NOL8: variants seen among roughly 807,000 people sequenced by gnomAD.
The protein encoded by NOL8 is nucleolar protein Nop132.
A neutral mutation model predicts 116.1 loss-of-function variants in NOL8; 93 were observed. That is an observed-to-expected ratio of 0.80 (90% confidence interval 0.68 to 0.95). The LOEUF (loss-of-function observed/expected upper bound fraction) is 0.95. NOL8 is among the 40% of genes least tolerant of loss of function. The probability of loss-of-function intolerance (pLI) is 0.00; values close to 1 mark genes in which losing one functional copy is unlikely to be tolerated. For synonymous variants in NOL8, 419 were observed against 469.0 expected (o/e 0.89, Z 1.38); for missense variants, 1,291 against 1,382.8 (o/e 0.93, Z 1.05).
intron 12 of NOL8, among the ~76,000 whole-genome samples, chr9:92,304,563 C>T (rs181099290): frequency 3.9e-4 from 60 of 152,198 alleles, no homozygotes; most frequent in African/African-American, 1.2e-3. Context: ...CCTATTTGTT[C>T]AATACGGATT....
chr9:92,307,431 A>G (rs1363210649), intron 10 of NOL8, among the ~76,000 whole-genome samples: 2 of 152,218 alleles, frequency 1.3e-5, no homozygotes, highest in Non-Finnish European at 2.9e-5. Flanking sequence ...AAAAATGGTA[A>G]TGGTATATCT....
chr9:92,311,932 A>G (rs1401871644), intron 7 of NOL8, among the ~76,000 whole-genome samples: 1 of 152,254 alleles, frequency 6.6e-6, no homozygotes, highest in East Asian at 1.9e-4. Flanking sequence ...CATAATAGCA[A>G]AGACACGAAA....
intron 6 of NOL8, among the ~76,000 whole-genome samples, chr9:92,317,263 A>G (rs1839498233): frequency 6.6e-6 from 1 of 152,198 alleles, no homozygotes; most frequent in Admixed American, 6.5e-5. Context: ...CCCCACCTTA[A>G]GCGATTACTC....
At chr9:92,305,256 T>C (rs977491888) in intron 12 of NOL8, among the ~76,000 whole-genome samples, 1 of 152,016 alleles carries the variant, frequency 6.6e-6, no homozygotes, top group Non-Finnish European at 1.5e-5. Context: ...CATGTGAAGA[T>C]AGAGGCAGAA....
chr9:92,307,710 G>C (rs1003679673), intron 10 of NOL8, among the ~76,000 whole-genome samples: 1 of 152,168 alleles, frequency 6.6e-6, no homozygotes, highest in Non-Finnish European at 1.5e-5. Context: ...AGAATAAAAT[G>C]CTAATTTAAG....
In NOL8 at chr9:92,314,754, A is replaced by G; in HGVS notation, c.1871T>C (p.Leu624Ser). The change falls in exon 7 of 17, where the codon TTA (leucine) becomes TCA (serine). Residue 624 changes from leucine (L) to serine (S), a missense_variant. Physicochemically the swap from Leu to Ser is moderately radical, Grantham distance 145. Coordinates refer to ENST00000442668, the MANE Select transcript of NOL8 (RefSeq NM_017948.6). ...ATGTTGGCATGGAGTCACTTCACCT[A>G]ATGAGCCATTAACATATGGGGACCC... is the stretch of plus-strand genomic sequence containing the variant. ...EDGSPYVNGS[L>S]GEVTPCQHAK... 6.2e-7 allele frequency: 1 copy of G among 1,613,822 alleles called. No homozygotes were observed. Among genetic ancestry groups the G allele is most frequent in the South Asian group, 1.1e-5 (1 of 91,026 alleles).
intron 9 of NOL8, 80 bp from the exon 10 acceptor site, chr9:92,310,341 T>A: frequency 7.8e-7 from 1 of 1,274,564 alleles, no homozygotes; most frequent in South Asian, 1.3e-5. Flanking sequence ...AATGTACACC[T>A]CCCCACACAC....
intron 7 of NOL8, 134 bp from the exon 8 acceptor site, chr9:92,311,393 CT>C (rs138640771): frequency 0.051 from 30,355 of 593,480 alleles, 1,118 homozygotes; most frequent in African/African-American, 0.13. Flanking sequence ...AAAAGAAAAA[CT>C]TATCAACAAA....
chr9:92,301,889 G>T (rs2134087281), intron 12 of NOL8, 67 bp from the exon 13 acceptor site: 17 of 1,381,968 alleles, frequency 1.2e-5, no homozygotes, highest in Non-Finnish European at 1.6e-5. Context: ...CAGAAATCAA[G>T]AAAAGAAAAA....
intron 4 of NOL8, among the ~76,000 whole-genome samples, chr9:92,320,609 CT>C (rs1017650721): frequency 8.3e-4 from 122 of 147,250 alleles, no homozygotes; most frequent in African/African-American, 2.8e-3. Flanking sequence ...TTTTTTTTTC[CT>C]TTTTTTTTGT....
chr9:92,312,497 TGAGGGTG>T (rs1407392867), intron 7 of NOL8, among the ~76,000 whole-genome samples: 1 of 142,940 alleles, frequency 7.0e-6, no homozygotes, highest in African/African-American at 2.6e-5. Context: ...GGGGTCTACT[TGAGGGTG>T]GAGGGTGGAA....
At chr9:92,316,227 T>TA (rs1425248138) in intron 6 of NOL8, 89 bp from the exon 7 acceptor site, 3 of 1,362,570 alleles carry the variant, frequency 2.2e-6, no homozygotes, top group Non-Finnish European at 3.0e-6. Context: ...TAATCTCAAA[T>TA]AAGTCATTTC....
At chr9:92,301,894 G>A in intron 12 of NOL8, 72 bp from the exon 13 acceptor site, 1 of 1,343,160 alleles carries the variant, frequency 7.4e-7, no homozygotes, top group Non-Finnish European at 9.9e-7. Context: ...ATCAAGAAAA[G>A]AAAAAATCTT....
Position 92,297,730 on chromosome 9 carries a change from A to G in NOL8, c.*106T>C. On this transcript the variant is annotated 3_prime_UTR_variant, in exon 17 of 17. Coordinates refer to ENST00000442668, the MANE Select transcript of NOL8 (RefSeq NM_017948.6). ...ATATTCCGTCAGCCAGATTTTTAAA[A>G]TTCCTTCACTCTGAAATTTCTTCTT... is the stretch of plus-strand genomic sequence containing the variant. 62 of 750,356 alleles carry G rather than the reference A, an allele frequency of 8.3e-5. No individual in the cohort carries two copies. Among genetic ancestry groups the G allele is most frequent in the Middle Eastern group, 3.1e-4 (1 of 3,252 alleles). The allele number at this position is 750,356 out of a possible 1,614,324, so 46.5% of individuals were successfully genotyped here. A position where few individuals can be genotyped will look rare whatever the true frequency, so the allele number is the denominator to read the frequency against.
Position 92,315,163 on chromosome 9 carries a change from A to G in NOL8, c.1462T>C (p.Leu488=). Reference sequence around the variant, plus strand: ...CCAGCCAATTGTTCCAAATCAGCTAAAGTGAGATTCACACGAAGGCAGTTT... The same window carrying G: ...CCAGCCAATTGTTCCAAATCAGCTAGAGTGAGATTCACACGAAGGCAGTTT... ...MKNCLRVNLT[L]ADLEQLAGSD... The change falls in exon 7 of 17, where the codon TTA becomes CTA. Residue 488 remains leucine (L), a synonymous_variant. Coordinates refer to ENST00000442668, the MANE Select transcript of NOL8 (RefSeq NM_017948.6). 2.5e-6 allele frequency: 4 copies of G among 1,613,998 alleles called. No individual in the cohort carries two copies. The highest frequency in any genetic ancestry group is 3.4e-6 in the Non-Finnish European group (4 of 1,179,878).
At chr9:92,319,706 T>C (rs1410997325) in intron 4 of NOL8, among the ~76,000 whole-genome samples, 1 of 152,240 alleles carries the variant, frequency 6.6e-6, no homozygotes, top group African/African-American at 2.4e-5. Context: ...GTACACTTCA[T>C]TTATCAACTT....
At chr9:92,310,443 C>T (rs1026447990) in intron 9 of NOL8, 110 bp downstream of exon 9, 12 of 1,320,420 alleles carry the variant, frequency 9.1e-6, no homozygotes, top group Non-Finnish European at 1.3e-5. Context: ...CAAATAAACA[C>T]CCCGATGCTA....
chr9:92,308,302 C>T (rs1328530706), intron 10 of NOL8, among the ~76,000 whole-genome samples: 1 of 152,128 alleles, frequency 6.6e-6, no homozygotes, highest in Non-Finnish European at 1.5e-5. Context: ...TTTGAGGTTA[C>T]AGTAAGCTAT....
At position 92,298,341 on chromosome 9, in the gene NOL8, T is replaced by C. The variant is rs780531151; in HGVS notation, c.3374-5A>G. 6.3e-7 allele frequency: 1 copy of C among 1,587,542 alleles called. No homozygotes were observed. The highest frequency in any genetic ancestry group is 8.6e-7 in the Non-Finnish European group (1 of 1,166,256). On this transcript the variant is annotated splice_polypyrimidine_tract_variant and splice_region_variant and intron_variant, in intron 15 of 16. Coordinates refer to ENST00000442668, the MANE Select transcript of NOL8 (RefSeq NM_017948.6). ...CTCTCCAGAATAAGTCAGAACCTAT[T>C]AGGGGAAAAAGAAGAAAGATGAGGC...
Sources: gnomAD v4.1 joint callset for allele counts (sites outside exome capture counted in the v4.1 genomes callset) on GRCh38, gnomAD v4.1.1 for gene constraint, MANE v1.5 for transcripts, NCBI Gene and HGNC (gene_info 2026-07-23, HGNC 2026-07-21) for gene names.